CCDC39: variants seen among roughly 807,000 people sequenced by gnomAD.
The protein encoded by CCDC39 is coiled-coil domain 39 molecular ruler complex subunit.
Under a neutral mutation model 121.0 loss-of-function variants are expected in CCDC39, and 113 were observed. The observed-to-expected ratio is 0.93, with a 90% CI of 0.80 to 1.09. The LOEUF is 1.09. CCDC39 is among the 50% of genes least tolerant of loss of function. The pLI is 0.00. For missense variants in CCDC39, 1,063 were observed against 1,074.7 expected, an observed-to-expected ratio of 0.99 and a Z score of 0.15; for synonymous variants, 349 against 352.2, an observed-to-expected ratio of 0.99 and a Z score of 0.10.
intron 13 of CCDC39, among the ~76,000 whole-genome samples, chr3:180,635,107 C>G (rs1717793650): frequency 6.6e-6 from 1 of 152,182 alleles, no homozygotes; most frequent in African/African-American, 2.4e-5. Flanking sequence ...AAGGGGGAAG[C>G]AGCATCTTTA....
At position 180,660,694 on chromosome 3, in the gene CCDC39, C is replaced by A; in HGVS notation, c.392G>T (p.Gly131Val). ...GTCCCAGTTCATTTGACATTTCAAA[C>A]CATCCAATTTTTGAGTGGCTTTAAA... The part of the protein sequence containing the change: ...GIFKATQKLD[G>V]LKCQMNWDQQ... Residue 131 changes from glycine to valine, a missense_variant, in exon 4 of 20, where the codon GGT (glycine) becomes GTT (valine). Coordinates refer to ENST00000476379, the MANE Select transcript of CCDC39 (RefSeq NM_181426.2). The A allele has an allele frequency of 6.2e-7, 1 of 1,602,902 alleles. No homozygotes were observed. The highest frequency in any genetic ancestry group is 8.5e-7 in the Non-Finnish European group (1 of 1,173,922).
rs1717267904 is a variant in CCDC39 at position 180,616,901 on chromosome 3, C to T, written c.2331G>A (p.Glu777=). 6.4e-7 allele frequency: 1 copy of T among 1,566,120 alleles called. No individual in the cohort carries two copies. The highest frequency in any genetic ancestry group is 8.8e-7 in the Non-Finnish European group (1 of 1,141,464). Residue 777 remains glutamate, a synonymous_variant, in exon 17 of 20, where the codon GAG becomes GAA. Transcript: ENST00000476379. The part of the protein sequence containing the change: ...LANNVKEKLS[E]KQAYSFQLSK... ...TTAGTTGAAATGAATAAGCCTGCTT[C>T]TCTGATAACTTTTCTTTAACATTAT...
chr3:180,622,221 T>G (rs1448117623), intron 14 of CCDC39, among the ~76,000 whole-genome samples: 1 of 152,130 alleles, frequency 6.6e-6, no homozygotes, highest in African/African-American at 2.4e-5. Flanking sequence ...GCTATATCAT[T>G]ATTAGTGTTT....
chr3:180,642,214 C>CA lies in CCDC39; in HGVS notation c.1666-14dup. ...CTATCATCAAATCCTATCAACGTAA[C>CA]AAAATGGTCAAATATTGAAATTATT... On this transcript the variant is annotated splice_polypyrimidine_tract_variant and intron_variant, in intron 12 of 19. Transcript: ENST00000476379. 1 of 1,498,878 alleles carries CA rather than the reference C, an allele frequency of 6.7e-7. No individual in the cohort carries two copies. Among genetic ancestry groups the CA allele is most frequent in the Non-Finnish European group, 9.0e-7 (1 of 1,112,544 alleles). The allele number at this position is 1,498,878 out of a possible 1,614,324, so 92.8% of individuals were successfully genotyped here.
intron 6 of CCDC39, among the ~76,000 whole-genome samples, chr3:180,658,149 G>A (rs770247132): frequency 2.6e-5 from 4 of 151,840 alleles, no homozygotes; most frequent in Non-Finnish European, 5.9e-5. Context: ...TGAGGCAGGA[G>A]AATTGCTTGA....
At position 180,663,954 on chromosome 3, in the gene CCDC39, C is replaced by G; in HGVS notation, c.123G>C (p.Leu41Phe). 2 of 1,612,014 alleles carry G rather than the reference C, an allele frequency of 1.2e-6. No homozygotes were observed. Among genetic ancestry groups the G allele is most frequent in the South Asian group, 2.2e-5 (2 of 91,054 alleles). ...LSKLKDERAS[L>F]QDELREYEER... is the part of the protein sequence containing the mutation. The stretch of plus-strand genomic sequence containing the variant: ...CTTCATACTCACGTAACTCATCTTG[C>G]AAGCTTGCTCTTTCATCCTTCAGCT... The change falls in exon 2 of 20, where the codon TTG becomes TTC. Residue 41 changes from leucine to phenylalanine, a missense_variant. By Grantham distance (22) the Leu-to-Phe change is conservative. Transcript: ENST00000476379.
chr3:180,675,276 T>G (rs974644952), intron 1 of CCDC39, among the ~76,000 whole-genome samples: 1 of 152,198 alleles, frequency 6.6e-6, no homozygotes, highest in African/African-American at 2.4e-5. Flanking sequence ...ATAGAGGTGT[T>G]TATGGTATTT....
chr3:180,621,260 C>A (rs1717425296), intron 14 of CCDC39, among the ~76,000 whole-genome samples: 1 of 151,996 alleles, frequency 6.6e-6, no homozygotes, highest in Non-Finnish European at 1.5e-5. Context: ...TTAATGATTT[C>A]TATTCTTTTG....
At chr3:180,616,481 T>C in intron 18 of CCDC39, 35 bp downstream of exon 18, 7 of 1,507,344 alleles carry the variant, frequency 4.6e-6, no homozygotes, top group Non-Finnish European at 6.2e-6. Flanking sequence ...TTCATGAAGT[T>C]TTTAAGAAAT....
chr3:180,651,243 A>G (rs1718200825), intron 9 of CCDC39, among the ~76,000 whole-genome samples, 158 bp downstream of exon 9: 1 of 152,126 alleles, frequency 6.6e-6, no homozygotes, highest in African/African-American at 2.4e-5. Flanking sequence ...CTTCAGAAGC[A>G]ATGCATGAGA....
At chr3:180,617,194 T>C (rs556781040) in intron 16 of CCDC39, among the ~76,000 whole-genome samples, 2 of 152,162 alleles carry the variant, frequency 1.3e-5, no homozygotes, top group Non-Finnish European at 2.9e-5. Flanking sequence ...CCTAGCGACA[T>C]TGTAATGTGG....
chr3:180,679,353 G>A lies in CCDC39; in HGVS notation c.28C>T (p.His10Tyr). The change falls in exon 1 of 20, where the codon CAC (histidine) becomes TAC (tyrosine). Residue 10 changes from histidine (H) to tyrosine (Y), a missense_variant. Transcript: ENST00000476379. This position sits in a 1 kb window ranked among gnomAD's most constrained non-coding sequence, Gnocchi z 4.0. MSSEFLAEL[H>Y]WEDGFAIPVA... ...GGGATGGCGAACCCATCCTCCCAGT[G>A]CAGCTCAGCCAGGAATTCGCTACTC... 6.2e-7 allele frequency: 1 copy of A among 1,613,896 alleles called. No individual in the cohort carries two copies. Among genetic ancestry groups the A allele is most frequent in the Admixed American group, 1.7e-5 (1 of 60,008 alleles).
intron 6 of CCDC39, 45 bp downstream of exon 6, chr3:180,659,407 A>C (rs1711681918): frequency 2.5e-6 from 4 of 1,601,106 alleles, no homozygotes; most frequent in Non-Finnish European, 3.4e-6. Flanking sequence ...AATACAAAAG[A>C]GACAAATGCA....
Position 180,647,124 on chromosome 3 carries a change from T to C in CCDC39, c.1482A>G (p.Lys494=). The C allele has an allele frequency of 6.2e-7, 1 of 1,609,810 alleles. No homozygotes were observed. The highest frequency in any genetic ancestry group is 8.5e-7 in the Non-Finnish European group (1 of 1,178,618). ...IVELRKSLEE[K]KSTCGLLETQ... is the part of the protein sequence containing the mutation. Reference sequence around the variant, plus strand: ...TTTCCAAAAGGCCACATGTAGATTTTTTCTCTTCCAAAGACTTCCTAAGTT... The same window carrying C: ...TTTCCAAAAGGCCACATGTAGATTTCTTCTCTTCCAAAGACTTCCTAAGTT... The change falls in exon 11 of 20, where the codon AAA becomes AAG. Residue 494 remains lysine (K), a synonymous_variant. Coordinates refer to ENST00000476379, the MANE Select transcript of CCDC39 (RefSeq NM_181426.2).
rs1247805070 is a variant in CCDC39, at chr3:180,648,037, C to T, written c.1362+128G>A. 4.3e-6 allele frequency: 3 copies of T among 700,606 alleles called. No individual in the cohort carries two copies. In the East Asian group the frequency reaches 8.2e-5, roughly 19 times the overall value. The allele number at this position is 700,606 out of a possible 1,614,324, so 43.4% of individuals were successfully genotyped here. A position where few individuals can be genotyped will look rare whatever the true frequency, so the allele number is the denominator to read the frequency against. On this transcript the variant is annotated intron_variant, in intron 10 of 19. Transcript: ENST00000476379. ...CTACTACTGATCTAACATGATGTCT[C>T]ACCTTCAGCATCTGTCTGTCCTCCA... is the stretch of plus-strand genomic sequence containing the variant.
At chr3:180,654,690 C>A in intron 7 of CCDC39, 72 bp downstream of exon 7, 16 of 924,158 alleles carry the variant, frequency 1.7e-5, no homozygotes, top group Middle Eastern at 2.3e-4. Context: ...ACAGGAAAAG[C>A]TTTATGCTTA....
At chr3:180,676,144 G>A (rs1259267578) in intron 1 of CCDC39, among the ~76,000 whole-genome samples, 16 of 152,152 alleles carry the variant, frequency 1.1e-4, no homozygotes, top group African/African-American at 3.9e-4. Context: ...ATTGACAAAT[G>A]GGATCTCATT....
chr3:180,644,926 A>C (rs183300792), intron 11 of CCDC39, among the ~76,000 whole-genome samples: 1 of 152,236 alleles, frequency 6.6e-6, no homozygotes. Context: ...AGTTCATCAC[A>C]TGGTTTACCA....
intron 15 of CCDC39, 51 bp from the exon 16 acceptor site, chr3:180,619,416 T>C (rs1717361043): frequency 1.1e-6 from 1 of 902,316 alleles, no homozygotes; most frequent in Non-Finnish European, 1.7e-6. Flanking sequence ...TAAGTAGAAA[T>C]CAATTTTAAA....
Sources: allele counts gnomAD v4.1 joint callset (sites outside exome capture counted in the v4.1 genomes callset), GRCh38; gene constraint gnomAD v4.1.1; non-coding constraint Gnocchi (gnomAD v3.1); transcripts MANE v1.5; gene names NCBI Gene and HGNC (gene_info 2026-07-23, HGNC 2026-07-21).